PLEKHA4: variants seen among roughly 807,000 people sequenced by gnomAD.
PLEKHA4 encodes pleckstrin homology domain-containing family A member 4.
PLEKHA4 carries 73 observed loss-of-function variants against 94.7 expected under a neutral mutation model. The observed-to-expected ratio is 0.77, with a 90% CI of 0.64 to 0.94. PLEKHA4 has a LOEUF of 0.94. Among genes scored for constraint, PLEKHA4 ranks in the 40% least tolerant of loss-of-function variants. PLEKHA4 has a pLI of 0.00. For missense variants in PLEKHA4, 1,049 were observed against 1,054.1 expected (o/e 1.00, Z 0.07); for synonymous variants, 449 against 437.1 (o/e 1.03, Z -0.34).
At chr19:48,838,721 C>G (rs929410158) in intron 18 of PLEKHA4, among the ~76,000 whole-genome samples, 1 of 147,386 alleles carries the variant, frequency 6.8e-6, no homozygotes, top group African/African-American at 2.5e-5. Context: ...GAACTGAGAT[C>G]ACGCCATTGC....
At chr19:48,857,612 T>C in intron 8 of PLEKHA4, 116 bp from the exon 9 acceptor site, 1 of 655,520 alleles carries the variant, frequency 1.5e-6, no homozygotes, top group Non-Finnish European at 2.7e-6. Flanking sequence ...TCTATGACCT[T>C]ACCCCCAACC....
At position 48,860,449 on chromosome 19, in the gene PLEKHA4, G is replaced by A; in HGVS notation, c.377C>T (p.Pro126Leu). The change falls in exon 6 of 20, where the codon CCG (proline) becomes CTG (leucine). Residue 126 changes from proline to leucine, a missense_variant. Transcript: ENST00000263265. ...GRRFTFTAEH[P>L]GMRTYVLAAD... ...GGCCAAAACGTAGGTCCTCATGCCC[G>A]GGTGCTCTGCCTGCGGGAAGAGAAG... 6.2e-7 allele frequency: 1 copy of A among 1,613,862 alleles called. No individual in the cohort carries two copies.
chr19:48,849,937 G>A (rs1317997943), intron 13 of PLEKHA4, among the ~76,000 whole-genome samples: 1 of 152,214 alleles, frequency 6.6e-6, no homozygotes, highest in African/African-American at 2.4e-5. Flanking sequence ...CATTGGCCGG[G>A]CGCAGTAGCT....
chr19:48,851,637 G>A (rs2036193299), intron 13 of PLEKHA4, among the ~76,000 whole-genome samples: 1 of 150,198 alleles, frequency 6.7e-6, no homozygotes, highest in African/African-American at 2.5e-5. Context: ...AAAAAAAAAT[G>A]TTGTAAAATT....
At chr19:48,859,353 G>T in intron 7 of PLEKHA4, 116 bp downstream of exon 7, 1 of 1,142,784 alleles carries the variant, frequency 8.8e-7, no homozygotes, top group South Asian at 1.4e-5. Context: ...TGACCCCCAC[G>T]GGAGCCCCAG....
At chr19:48,858,278 C>G (rs1442009844) in intron 8 of PLEKHA4, among the ~76,000 whole-genome samples, 2 of 152,156 alleles carry the variant, frequency 1.3e-5, no homozygotes, top group African/African-American at 4.8e-5. Flanking sequence ...CCTCTCACCG[C>G]ACTGTCTTGG....
Position 48,853,663 on chromosome 19 carries a change from C to T in PLEKHA4, c.1326+19G>A. On this transcript the variant is annotated intron_variant, in intron 12 of 19. Coordinates refer to ENST00000263265, the MANE Select transcript of PLEKHA4 (RefSeq NM_020904.3). ...TCCTGGGGCCTCCTAGGAGGGCAGGCCCCTTCCCAGGTGCTCACCTGAGTC... is the reference window on the plus strand; with the variant it reads ...TCCTGGGGCCTCCTAGGAGGGCAGGTCCCTTCCCAGGTGCTCACCTGAGTC... 6.6e-7 allele frequency: 1 copy of T among 1,513,976 alleles called. No homozygotes were observed. The highest frequency in any genetic ancestry group is 8.8e-7 in the Non-Finnish European group (1 of 1,134,236). 93.8% of individuals were successfully genotyped at this position (1,513,976 alleles called of 1,614,324 possible).
rs2035554411 is a variant in PLEKHA4 at position 48,837,107 on chromosome 19, A to G, written c.*182T>C. 1 of 789,018 alleles carries G rather than the reference A, an allele frequency of 1.3e-6. No individual in the cohort carries two copies. Among genetic ancestry groups the G allele is most frequent in the Admixed American group, 2.8e-5 (1 of 36,324 alleles). The allele number at this position is 789,018 out of a possible 1,614,324, so 48.9% of individuals were successfully genotyped here. ...AAGAAAGCTATTGACTAAAAGTTCA[A>G]AGTTTTAATCCAAATTTAGACAGTG... On this transcript the variant is annotated 3_prime_UTR_variant, in exon 20 of 20. Transcript: ENST00000263265. The surrounding 1 kb of genome is among the most constrained non-coding windows in gnomAD (Gnocchi z 4.3).
At position 48,837,565 on chromosome 19, in the gene PLEKHA4, G is replaced by A; in HGVS notation, c.2078-14C>T. 6.2e-7 allele frequency: 1 copy of A among 1,613,170 alleles called. No homozygotes were observed. Among genetic ancestry groups the A allele is most frequent in the South Asian group, 1.1e-5 (1 of 91,064 alleles). ...CCAAATTTCCACCTGGAGAGGATGAGTGGGACATGAGAATGGCAAACCTCA... is the reference window on the plus strand; with the variant it reads ...CCAAATTTCCACCTGGAGAGGATGAATGGGACATGAGAATGGCAAACCTCA... On this transcript the variant is annotated splice_polypyrimidine_tract_variant and intron_variant, in intron 19 of 19. Transcript: ENST00000263265. This position sits in a 1 kb window ranked among gnomAD's most constrained non-coding sequence, Gnocchi z 4.3.
In PLEKHA4 at chr19:48,867,571, G is replaced by A. The variant is rs1488556061; in HGVS notation, c.50C>T (p.Ser17Phe). 4 of 1,602,914 alleles carry A rather than the reference G, an allele frequency of 2.5e-6. No homozygotes were observed. Among genetic ancestry groups the A allele is most frequent in the Non-Finnish European group, 8.5e-7 (1 of 1,176,914 alleles). The change falls in exon 2 of 20, where the codon TCC becomes TTC. Residue 17 changes from serine to phenylalanine, a missense_variant. Coordinates refer to ENST00000263265, the MANE Select transcript of PLEKHA4 (RefSeq NM_020904.3). The surrounding 1 kb of genome is among the most constrained non-coding windows in gnomAD (Gnocchi z 4.7). ...CAGGCTGCTGAGCGAGGAGATGGTG[G>A]AGGCGCTGCTGGCCAGGCTCAGGCT... ...RSSLSLASSA[S>F]TISSLSSLSP...
At chr19:48,853,957 A>C (rs377437266) in intron 11 of PLEKHA4, 50 bp downstream of exon 11, 37 of 1,610,804 alleles carry the variant, frequency 2.3e-5, no homozygotes, top group Non-Finnish European at 6.8e-6. Flanking sequence ...GGAAGGGCTC[A>C]GGGCAGGCAG....
At position 48,837,340 on chromosome 19, in the gene PLEKHA4, T is replaced by C. The variant is rs2035566310; in HGVS notation, c.2289A>G (p.Gln763=). 4 of 1,613,726 alleles carry C rather than the reference T, an allele frequency of 2.5e-6. No individual in the cohort carries two copies. Among genetic ancestry groups the C allele is most frequent in the Non-Finnish European group, 8.5e-7 (1 of 1,180,012 alleles). ...DAGIAPPVLP[Q]DEGAWPLRVT... Reference sequence around the variant, plus strand: ...CTCGCAGAGGCCATGCCCCCTCGTCTTGTGGCAGGACCGGAGGGGCGATCC... The same window carrying C: ...CTCGCAGAGGCCATGCCCCCTCGTCCTGTGGCAGGACCGGAGGGGCGATCC... Residue 763 remains glutamine, a synonymous_variant, in exon 20 of 20, where the codon CAA becomes CAG. Transcript: ENST00000263265. This position sits in a 1 kb window ranked among gnomAD's most constrained non-coding sequence, Gnocchi z 4.3.
At chr19:48,840,544 G>A (rs1244564815) in intron 17 of PLEKHA4, among the ~76,000 whole-genome samples, 1 of 149,892 alleles carries the variant, frequency 6.7e-6, no homozygotes, top group Non-Finnish European at 1.5e-5. Context: ...TCCTGCCTCA[G>A]CCTCCCAAGG....
intron 8 of PLEKHA4, among the ~76,000 whole-genome samples, chr19:48,858,644 A>AAAAAAAAAAAAAAAAAAAAAACAAAC (rs2036516482): frequency 6.7e-6 from 1 of 149,338 alleles, no homozygotes; most frequent in African/African-American, 2.5e-5. Flanking sequence ...AAAAAAAAAA[A>AAAAAAAAAAAAAAAAAAAAAACAAAC]GCAATGGCCG....
chr19:48,839,088 C>A, intron 18 of PLEKHA4, 117 bp downstream of exon 18: 1 of 585,922 alleles, frequency 1.7e-6, no homozygotes, highest in East Asian at 3.1e-5. Flanking sequence ...TTAAGCATCT[C>A]TAGAAGGGTT....
rs746772708 is a variant in PLEKHA4 at position 48,837,287 on chromosome 19, G to A, written c.*2C>T. 1 of 1,614,024 alleles carries A rather than the reference G, an allele frequency of 6.2e-7. No homozygotes were observed. Among genetic ancestry groups the A allele is most frequent in the East Asian group, 2.2e-5 (1 of 44,864 alleles). On this transcript the variant is annotated 3_prime_UTR_variant, in exon 20 of 20. Coordinates refer to ENST00000263265, the MANE Select transcript of PLEKHA4 (RefSeq NM_020904.3). The surrounding 1 kb of genome is among the most constrained non-coding windows in gnomAD (Gnocchi z 4.3). The stretch of plus-strand genomic sequence containing the variant: ...TCCGATTGGCTGCCGCTTTTGGGCG[G>A]ATTAGAAGCTGGATTGTAGCAGAGT...
intron 5 of PLEKHA4, among the ~76,000 whole-genome samples, chr19:48,860,800 G>A (rs1193287900): frequency 6.8e-6 from 1 of 146,606 alleles, no homozygotes; most frequent in Non-Finnish European, 1.5e-5. Flanking sequence ...AAAGAGGGAA[G>A]GGAAGGGAGA....
In PLEKHA4 at chr19:48,852,339, A is replaced by G. The variant is rs1182630533; in HGVS notation, c.1327-13T>C. On this transcript the variant is annotated splice_polypyrimidine_tract_variant and intron_variant, in intron 12 of 19. Transcript: ENST00000263265. ...CCCTCTCTCGCTCCTCAGGTTGCATAAAGGGGGAGACATAGGTTAGGTCCC... is the reference window on the plus strand; with the variant it reads ...CCCTCTCTCGCTCCTCAGGTTGCATGAAGGGGGAGACATAGGTTAGGTCCC... 6.2e-7 allele frequency: 1 copy of G among 1,605,218 alleles called. No homozygotes were observed. Among genetic ancestry groups the G allele is most frequent in the African/African-American group, 1.3e-5 (1 of 74,850 alleles).
At chr19:48,850,964 A>AC (rs748764603) in intron 13 of PLEKHA4, among the ~76,000 whole-genome samples, 9 of 151,710 alleles carry the variant, frequency 5.9e-5, no homozygotes, top group African/African-American at 1.2e-4. Context: ...ACATGGTGAA[A>AC]CCCCCCTCTC....
Sources: gnomAD v4.1 joint callset for allele counts (sites outside exome capture counted in the v4.1 genomes callset) on GRCh38, gnomAD v4.1.1 for gene constraint, Gnocchi (gnomAD v3.1) non-coding constraint, MANE v1.5 for transcripts, NCBI Gene and HGNC (gene_info 2026-07-23, HGNC 2026-07-21) for gene names.